Variants in MINDY3 observed in about 807,000 individuals in gnomAD.
MINDY3 encodes MINDY lysine 48 deubiquitinase 3.
In MINDY3, 38 loss-of-function variants were observed where a neutral mutation model predicts 69.2. The observed-to-expected ratio is 0.55, with a 90% CI of 0.42 to 0.72. The LOEUF (loss-of-function observed/expected upper bound fraction) is 0.72. Among genes scored for constraint, MINDY3 ranks in the 30% least tolerant of loss-of-function variants. The pLI, the probability that MINDY3 is intolerant of heterozygous loss-of-function variation, is 0.00. For synonymous variants in MINDY3, 192 were observed against 180.1 expected (o/e 1.07, Z -0.53); for missense variants, 522 against 519.0 (o/e 1.01, Z -0.06).
intron 1 of MINDY3, among the ~76,000 whole-genome samples, chr10:15,856,674 A>G (rs1834714166): frequency 6.6e-6 from 1 of 152,184 alleles, no homozygotes; most frequent in Non-Finnish European, 1.5e-5. Context: ...CTGAGAGGCA[A>G]TAAAAAGGCC....
At chr10:15,786,366 C>A (rs1836959572) in intron 13 of MINDY3, among the ~76,000 whole-genome samples, 195 bp downstream of exon 13, 1 of 152,122 alleles carries the variant, frequency 6.6e-6, no homozygotes, top group Non-Finnish European at 1.5e-5. Context: ...TCTTCTGCTG[C>A]CCTCCCCATC....
At chr10:15,783,135 G>A (rs564747389) in intron 13 of MINDY3, among the ~76,000 whole-genome samples, 1 of 152,308 alleles carries the variant, frequency 6.6e-6, no homozygotes, top group East Asian at 1.9e-4. Flanking sequence ...AAGATAGGCT[G>A]TGAGAATGTA....
At chr10:15,821,619 A>G in intron 9 of MINDY3, 37 bp downstream of exon 9, 1 of 1,527,852 alleles carries the variant, frequency 6.5e-7, no homozygotes, top group African/African-American at 1.4e-5. Context: ...GGACATCTAA[A>G]CAAAAAACAT....
intron 11 of MINDY3, among the ~76,000 whole-genome samples, chr10:15,793,959 T>C (rs1837616704): frequency 6.6e-6 from 1 of 152,136 alleles, no homozygotes; most frequent in African/African-American, 2.4e-5. Context: ...GGCAATGCTA[T>C]AAATGGTGAC....
intron 1 of MINDY3, among the ~76,000 whole-genome samples, chr10:15,848,319 G>C (rs938734945): frequency 6.6e-6 from 1 of 152,100 alleles, no homozygotes; most frequent in African/African-American, 2.4e-5. Context: ...CAAACTTTCT[G>C]TCACATTCTA....
At chr10:15,833,832 G>T (rs773800979) in intron 7 of MINDY3, 123 bp from the exon 8 acceptor site, 13 of 689,538 alleles carry the variant, frequency 1.9e-5, no homozygotes, top group Non-Finnish European at 3.2e-5. Flanking sequence ...CAAAGTTAGG[G>T]AAAACCTTAC....
chr10:15,828,591 AATT>A (rs1298274087), intron 8 of MINDY3, among the ~76,000 whole-genome samples: 1 of 151,894 alleles, frequency 6.6e-6, no homozygotes, highest in Non-Finnish European at 1.5e-5. Context: ...AAAAAAAAAA[AATT>A]AACAGATGCC....
At chr10:15,842,552 A>C (rs1833549316) in intron 3 of MINDY3, among the ~76,000 whole-genome samples, 1 of 151,952 alleles carries the variant, frequency 6.6e-6, no homozygotes, top group South Asian at 2.1e-4. Context: ...CAAAATCATT[A>C]GTAGATTCTA....
At chr10:15,806,233 A>G (rs1193266448) in intron 10 of MINDY3, among the ~76,000 whole-genome samples, 2 of 152,138 alleles carry the variant, frequency 1.3e-5, no homozygotes, top group African/African-American at 2.4e-5. Context: ...AGAGCAGTCT[A>G]TATTTTCCTC....
At chr10:15,839,522 CATTAG>C (rs1371947372) in intron 4 of MINDY3, among the ~76,000 whole-genome samples, 1 of 151,570 alleles carries the variant, frequency 6.6e-6, no homozygotes, top group Admixed American at 6.6e-5. Flanking sequence ...TGTTCTGCAA[CATTAG>C]ATTATCTAAA....
At chr10:15,857,036 G>A (rs892831010) in intron 1 of MINDY3, among the ~76,000 whole-genome samples, 3 of 152,182 alleles carry the variant, frequency 2.0e-5, no homozygotes, top group East Asian at 1.9e-4. Flanking sequence ...TCAAACCTTC[G>A]AAGGACCCCT....
At chr10:15,798,712 G>A (rs564441419) in intron 10 of MINDY3, among the ~76,000 whole-genome samples, 4 of 152,134 alleles carry the variant, frequency 2.6e-5, no homozygotes, top group South Asian at 2.1e-4. Flanking sequence ...CCTGTGAGGC[G>A]GAGGTTGCAG....
intron 10 of MINDY3, among the ~76,000 whole-genome samples, chr10:15,809,187 T>A (rs2131945364): frequency 6.6e-6 from 1 of 152,144 alleles, no homozygotes; most frequent in Non-Finnish European, 1.5e-5. Context: ...AAAACGATGG[T>A]TAGGGAGAAA....
intron 1 of MINDY3, among the ~76,000 whole-genome samples, chr10:15,850,055 C>T (rs1834170548): frequency 6.6e-6 from 1 of 152,134 alleles, no homozygotes; most frequent in South Asian, 2.1e-4. Context: ...TATCAGTTCC[C>T]CAAATTAATA....
rs1450045704 is a variant in MINDY3, at chr10:15,819,876, A to AG, written c.801+1779dup. Among the ~76,000 whole-genome samples the AG allele has an allele frequency of 3.9e-4, 60 of 152,212 alleles. 1 individual carries two copies. The highest frequency in any genetic ancestry group is 3.9e-3 in the Admixed American group (60 of 15,282). ...CGATTGACTTCCCACTAAGATCTTG[A>AG]GGGGAAAAACGTTCTTCTGTTCTAC... On this transcript the variant is annotated intron_variant, in intron 9 of 14. Coordinates refer to ENST00000277632, the MANE Select transcript of MINDY3 (RefSeq NM_024948.4).
chr10:15,824,310 T>C (rs574711185), intron 8 of MINDY3, among the ~76,000 whole-genome samples: 1 of 152,318 alleles, frequency 6.6e-6, no homozygotes, highest in African/African-American at 2.4e-5. Context: ...ACAGCCATTC[T>C]GACTGGGGTA....
At chr10:15,797,320 C>T (rs1641499734) in intron 10 of MINDY3, among the ~76,000 whole-genome samples, 1 of 152,082 alleles carries the variant, frequency 6.6e-6, no homozygotes, top group Non-Finnish European at 1.5e-5. Flanking sequence ...TTAAAAACCA[C>T]TTGACATTTT....
At chr10:15,837,355 T>C (rs1021540381) in intron 5 of MINDY3, 37 bp from the exon 6 acceptor site, 2 of 1,425,200 alleles carry the variant, frequency 1.4e-6, no homozygotes, top group East Asian at 4.6e-5. Flanking sequence ...GGTATCATGA[T>C]GAGATTAACT....
rs1319098689 is a variant in MINDY3 at position 15,819,612 on chromosome 10, A to G, written c.801+2044T>C. Among the ~76,000 whole-genome samples, 8 of 152,256 alleles carry G rather than the reference A, an allele frequency of 5.3e-5. No homozygotes were observed. The East Asian group carries it at 5.8e-4, about 11-fold the overall frequency. On this transcript the variant is annotated intron_variant, in intron 9 of 14. Coordinates refer to ENST00000277632, the MANE Select transcript of MINDY3 (RefSeq NM_024948.4). The stretch of plus-strand genomic sequence containing the variant: ...GCTGACCCCATCCTACTTCAGGTAC[A>G]TCAGCTGCTCCTAATGGCTCCAGCT...
Sources: gnomAD v4.1 joint callset for allele counts (sites outside exome capture counted in the v4.1 genomes callset) on GRCh38, gnomAD v4.1.1 for gene constraint, MANE v1.5 for transcripts, NCBI Gene and HGNC (gene_info 2026-07-23, HGNC 2026-07-21) for gene names.